The following PDE10A variants were observed in gnomAD, a reference collection of about 807,000 sequenced individuals.
PDE10A encodes the protein phosphodiesterase 10A.
PDE10A carries 39 observed loss-of-function variants against 97.7 expected under a neutral mutation model. The ratio of observed to expected loss-of-function variants is 0.40; its 90% CI spans 0.31 to 0.52. The LOEUF (loss-of-function observed/expected upper bound fraction) is 0.52, where lower values mean the gene tolerates loss of function less well. Ranked by LOEUF, PDE10A falls within the 20% of genes least tolerant of loss-of-function variation. The pLI is 0.56. For synonymous variants in PDE10A, 371 were observed against 376.8 expected (o/e 0.98, Z 0.18); for missense variants, 731 against 1,047.8 (o/e 0.70, Z 4.17).
intron 10 of PDE10A, among the ~76,000 whole-genome samples, chr6:165,425,770 C>CATGT (rs112669910): frequency 2.8e-5 from 4 of 144,034 alleles, no homozygotes; most frequent in African/African-American, 1.0e-4. Flanking sequence ...AAGGCATGAT[C>CATGT]GTGTGTGTGT....
intron 1 of PDE10A, among the ~76,000 whole-genome samples, chr6:165,646,893 A>G (rs547341202): frequency 6.6e-6 from 1 of 152,350 alleles, no homozygotes; most frequent in Admixed American, 6.5e-5. Flanking sequence ...ATCGTAACAT[A>G]TAAAAGTGTA....
At chr6:165,774,434 C>T (rs7738879) in intron 1 of PDE10A, among the ~76,000 whole-genome samples, 100,556 of 147,794 alleles carry the variant, frequency 0.68, 35,337 homozygotes, top group East Asian at 0.9. Flanking sequence ...CTTGAATATA[C>T]GTATATATAA....
In PDE10A at chr6:165,819,262, C is replaced by T. The variant is rs761560873; in HGVS notation, c.-615+168267G>A. Among the ~76,000 whole-genome samples the T allele has an allele frequency of 2.0e-5, 3 of 152,206 alleles. No individual in the cohort carries two copies. Among genetic ancestry groups the T allele is most frequent in the Non-Finnish European group, 4.4e-5 (3 of 68,042 alleles). On this transcript the variant is annotated intron_variant, in intron 1 of 19. Coordinates refer to the PDE10A transcript ENST00000366882. This position sits in a 1 kb window ranked among gnomAD's most constrained non-coding sequence, Gnocchi z 4.2. The stretch of plus-strand genomic sequence containing the variant: ...GTTGGGATGATTTTTGACTCCTGCC[C>T]TCTCCGTCCACACGTCAGCAGTTGC...
chr6:165,458,389 C>T (rs988580483), intron 3 of PDE10A, among the ~76,000 whole-genome samples: 1 of 152,070 alleles, frequency 6.6e-6, no homozygotes, highest in Non-Finnish European at 1.5e-5. Flanking sequence ...AGGGACAGGA[C>T]ACTTCCACCC....
chr6:165,889,721 G>C (rs777273778), intron 1 of PDE10A, among the ~76,000 whole-genome samples: 68 of 152,060 alleles, frequency 4.5e-4, no homozygotes, highest in Middle Eastern at 6.8e-3. Flanking sequence ...GACTCTACTC[G>C]GAAACTATGG....
At chr6:165,606,188 C>T (rs1044370331) in intron 1 of PDE10A, among the ~76,000 whole-genome samples, 1 of 149,712 alleles carries the variant, frequency 6.7e-6, no homozygotes, top group Non-Finnish European at 1.5e-5. Context: ...AAGCACCAGG[C>T]ACACAGTCTA....
intron 1 of PDE10A, among the ~76,000 whole-genome samples, chr6:165,929,009 T>A (rs1783036225): frequency 6.6e-6 from 1 of 152,166 alleles, no homozygotes; most frequent in Admixed American, 6.5e-5. Flanking sequence ...CCAGAAGCTG[T>A]GTGTCCCTGG....
At position 165,576,361 on chromosome 6, in the gene PDE10A, T is replaced by C. The variant is rs73022128; in HGVS notation, c.866-32793A>G. 86,993 of 779,470 alleles carry C rather than the reference T, an allele frequency of 0.11. 5,267 individuals are homozygous for C. Among genetic ancestry groups the C allele is most frequent in the African/African-American group, 0.15 (9,162 of 59,126 alleles). The allele number at this position is 779,470 out of a possible 1,614,324, so 48.3% of individuals were successfully genotyped here. ...AGAGTACTAGTTTGCTTCCTGTCTA[T>C]CTGAATGTCCCTTCTAAATTTCTTT... is the stretch of plus-strand genomic sequence containing the variant. On this transcript the variant is annotated intron_variant, in intron 1 of 21. Coordinates refer to ENST00000539869, the MANE Select transcript of PDE10A (RefSeq NM_001385079.1).
chr6:165,588,525 A>T (rs1786060581), intron 1 of PDE10A, among the ~76,000 whole-genome samples: 3 of 152,010 alleles, frequency 2.0e-5, no homozygotes, highest in African/African-American at 4.8e-5. Flanking sequence ...TCCCGACCTC[A>T]GGTGATCTGC....
intron 1 of PDE10A, among the ~76,000 whole-genome samples, chr6:165,947,691 AT>A (rs1783817359): frequency 6.6e-6 from 1 of 152,122 alleles, no homozygotes; most frequent in African/African-American, 2.4e-5. Context: ...GGACTCACGT[AT>A]TTTTATTGAT....
At chr6:165,447,525 G>A (rs1967290) in intron 5 of PDE10A, among the ~76,000 whole-genome samples, 46,765 of 152,074 alleles carry the variant, frequency 0.31, 7,502 homozygotes, top group African/African-American at 0.38. Context: ...GACCACAACA[G>A]ACTGCATTCC....
intron 1 of PDE10A, among the ~76,000 whole-genome samples, chr6:165,621,990 G>T (rs1051262394): frequency 6.6e-6 from 1 of 152,138 alleles, no homozygotes; most frequent in African/African-American, 2.4e-5. Flanking sequence ...TAAATCAGTG[G>T]ACTCTGAGTA....
intron 13 of PDE10A, among the ~76,000 whole-genome samples, chr6:165,408,624 G>T (rs370382597): frequency 1.3e-5 from 2 of 151,970 alleles, no homozygotes; most frequent in Non-Finnish European, 2.9e-5. Flanking sequence ...TATTTACATG[G>T]ATGCTTTCTT....
chr6:165,512,017 T>A (rs1309202920), intron 2 of PDE10A, among the ~76,000 whole-genome samples: 2 of 152,066 alleles, frequency 1.3e-5, no homozygotes, highest in African/African-American at 4.8e-5. Flanking sequence ...TTTAATCTAT[T>A]CACATTCAAA....
chr6:165,916,642 A>G (rs1458573766), intron 1 of PDE10A, among the ~76,000 whole-genome samples: 1 of 152,178 alleles, frequency 6.6e-6, no homozygotes, highest in Admixed American at 6.5e-5. Context: ...CATGCATACT[A>G]AGCTTTCATT....
chr6:165,985,607 G>A (rs1251482373), intron 1 of PDE10A, among the ~76,000 whole-genome samples: 2 of 152,212 alleles, frequency 1.3e-5, no homozygotes, highest in Non-Finnish European at 2.9e-5. Flanking sequence ...GACTGGAGAA[G>A]CATGGAAGAA....
chr6:165,870,198 C>T (rs997213215), intron 1 of PDE10A, among the ~76,000 whole-genome samples: 1 of 152,142 alleles, frequency 6.6e-6, no homozygotes, highest in African/African-American at 2.4e-5. Context: ...GCAAACTACT[C>T]TTCCAACCAT....
At chr6:165,375,954 T>G (rs2128205362) in intron 18 of PDE10A, among the ~76,000 whole-genome samples, 1 of 152,362 alleles carries the variant, frequency 6.6e-6, no homozygotes, top group Non-Finnish European at 1.5e-5. Flanking sequence ...AAAATGTTAC[T>G]GCTCATTGAC....
At chr6:165,606,954 G>T in intron 1 of PDE10A, among the ~76,000 whole-genome samples, 1 of 151,832 alleles carries the variant, frequency 6.6e-6, no homozygotes, top group Admixed American at 6.6e-5. Flanking sequence ...AACAACTTAG[G>T]GCTCTTCATA....
Sources: allele counts gnomAD v4.1 joint callset (sites outside exome capture counted in the v4.1 genomes callset), GRCh38; gene constraint gnomAD v4.1.1; non-coding constraint Gnocchi (gnomAD v3.1); transcripts MANE v1.5; gene names NCBI Gene and HGNC (gene_info 2026-07-23, HGNC 2026-07-21).